The following ZBTB20 variants were observed in gnomAD, a reference collection of about 807,000 sequenced individuals.
ZBTB20 encodes zinc finger and BTB domain containing 20, also known as zinc finger and BTB domain-containing protein 20.
A neutral mutation model predicts 56.9 loss-of-function variants in ZBTB20; 9 were observed. The ratio of observed to expected loss-of-function variants is 0.16; its 90% CI spans 0.10 to 0.28. The LOEUF is 0.28. Among genes scored for constraint, ZBTB20 ranks in the 10% least tolerant of loss-of-function variants. The pLI, the probability that ZBTB20 is intolerant of heterozygous loss-of-function variation, is 1.00. For missense variants in ZBTB20, 655 were observed against 1,003.0 expected (o/e 0.65, Z 4.69); for synonymous variants, 417 against 420.7 (o/e 0.99, Z 0.11).
intron 3 of ZBTB20, among the ~76,000 whole-genome samples, chr3:114,903,024 T>G (rs1350668754): frequency 6.6e-6 from 1 of 151,996 alleles, no homozygotes; most frequent in Non-Finnish European, 1.5e-5. Context: ...GTCAATGGGG[T>G]CAATCTGTGT....
intron 1 of ZBTB20, among the ~76,000 whole-genome samples, chr3:115,146,869 G>C (rs2084999240): frequency 6.6e-6 from 1 of 151,608 alleles, no homozygotes; most frequent in African/African-American, 2.4e-5. Flanking sequence ...CACGTTTCCA[G>C]CTGCGGGACG....
intron 6 of ZBTB20, among the ~76,000 whole-genome samples, chr3:114,631,409 T>TTTTG (rs1205775956): frequency 1.4e-5 from 2 of 139,186 alleles, no homozygotes; most frequent in Non-Finnish European, 3.1e-5. Context: ...TTTTTTTTTT[T>TTTTG]TGAGATGGCG....
intron 4 of ZBTB20, among the ~76,000 whole-genome samples, chr3:114,836,669 C>G (rs1438394933): frequency 2.0e-5 from 3 of 152,154 alleles, no homozygotes; most frequent in Admixed American, 6.5e-5. Context: ...CAATAAGCCG[C>G]ATTAACCCAA....
At chr3:115,010,341 G>C (rs933251471) in intron 2 of ZBTB20, among the ~76,000 whole-genome samples, 1 of 151,946 alleles carries the variant, frequency 6.6e-6, no homozygotes, top group South Asian at 2.1e-4. Flanking sequence ...CTGGCTTCAG[G>C]TCTGACCCAA....
chr3:115,111,185 A>G (rs1473335967), intron 1 of ZBTB20, among the ~76,000 whole-genome samples: 1 of 152,120 alleles, frequency 6.6e-6, no homozygotes, highest in Non-Finnish European at 1.5e-5. Flanking sequence ...TGGATCTTCC[A>G]TAACACAAAT....
At chr3:114,843,620 C>T (rs1188137734) in intron 4 of ZBTB20, among the ~76,000 whole-genome samples, 1 of 152,168 alleles carries the variant, frequency 6.6e-6, no homozygotes, top group Non-Finnish European at 1.5e-5. Context: ...CCTCCCACCT[C>T]AGCCTCCTAA....
intron 7 of ZBTB20, among the ~76,000 whole-genome samples, chr3:114,460,057 A>T (rs527521639): frequency 6.6e-6 from 1 of 152,174 alleles, no homozygotes; most frequent in East Asian, 1.9e-4. Context: ...GCTTAAGGTA[A>T]AAAAACTTGG....
intron 6 of ZBTB20, among the ~76,000 whole-genome samples, chr3:114,593,940 TC>T (rs2056062298): frequency 6.6e-6 from 1 of 152,190 alleles, no homozygotes; most frequent in South Asian, 2.1e-4. Flanking sequence ...GACAGCTACT[TC>T]TTTTTTAGTA....
rs199923551 is a variant in ZBTB20, at chr3:114,604,375, AT to A, written c.-295+89152del. Among the ~76,000 whole-genome samples the A allele has an allele frequency of 2.9e-3, 440 of 152,212 alleles. 16 individuals are homozygous for A. The East Asian group carries it at 0.078, about 27-fold the overall frequency. Reference sequence around the variant, plus strand: ...ACCACTGGAAAGTTACACAAAAAAAATAATGAATAAAAGTGGTTACTAATGG... The same window carrying A: ...ACCACTGGAAAGTTACACAAAAAAAAAATGAATAAAAGTGGTTACTAATGG... On this transcript the variant is annotated intron_variant, in intron 6 of 11. Coordinates refer to ENST00000675478, the MANE Select transcript of ZBTB20 (RefSeq NM_001348800.3).
intron 10 of ZBTB20, among the ~76,000 whole-genome samples, chr3:114,354,174 CAAG>C (rs1669648437): frequency 6.6e-6 from 1 of 152,156 alleles, no homozygotes; most frequent in South Asian, 2.1e-4. Flanking sequence ...TGTCACAGTG[CAAG>C]AAGTAAGACA....
chr3:114,705,442 C>T (rs1246225929), intron 5 of ZBTB20, among the ~76,000 whole-genome samples: 1 of 152,102 alleles, frequency 6.6e-6, no homozygotes, highest in Non-Finnish European at 1.5e-5. Flanking sequence ...AGTCTATGAA[C>T]ATTTTATGTC....
chr3:114,818,791 A>T (rs1011920797), intron 4 of ZBTB20, among the ~76,000 whole-genome samples: 9 of 151,986 alleles, frequency 5.9e-5, no homozygotes, highest in African/African-American at 2.2e-4. Context: ...TATGCCCTCT[A>T]CCACAACGAT....
intron 3 of ZBTB20, among the ~76,000 whole-genome samples, chr3:114,904,670 T>C (rs2075255721): frequency 6.6e-6 from 1 of 151,978 alleles, no homozygotes; most frequent in African/African-American, 2.4e-5. Flanking sequence ...GAGTAAGAAC[T>C]ATAAATTGTC....
intron 6 of ZBTB20, among the ~76,000 whole-genome samples, chr3:114,556,738 G>A (rs1016713591): frequency 2.6e-5 from 4 of 151,924 alleles, no homozygotes; most frequent in African/African-American, 9.7e-5. Flanking sequence ...CTGATTATTA[G>A]TATCTCCAAA....
At chr3:114,342,724 G>A (rs1014237479) in intron 11 of ZBTB20, among the ~76,000 whole-genome samples, 1 of 152,090 alleles carries the variant, frequency 6.6e-6, no homozygotes. Context: ...AGGAACCAAG[G>A]ATAAATGAAA....
chr3:114,537,276 T>C, intron 6 of ZBTB20, among the ~76,000 whole-genome samples: 1 of 152,018 alleles, frequency 6.6e-6, no homozygotes, highest in East Asian at 1.9e-4. Flanking sequence ...AACAAGGAAT[T>C]TAAACAAATT....
intron 6 of ZBTB20, among the ~76,000 whole-genome samples, chr3:114,634,866 T>G (rs998539396): frequency 1.3e-5 from 2 of 152,154 alleles, no homozygotes; most frequent in African/African-American, 4.8e-5. Context: ...GTTCCTATAT[T>G]GCCTCATACT....
At chr3:114,737,738 G>A (rs932422539) in intron 5 of ZBTB20, among the ~76,000 whole-genome samples, 6 of 152,108 alleles carry the variant, frequency 3.9e-5, no homozygotes, top group Non-Finnish European at 7.4e-5. Context: ...TCCTTAGGAA[G>A]GCTGTTTTAG....
At chr3:114,542,352 A>G (rs762700902) in intron 6 of ZBTB20, among the ~76,000 whole-genome samples, 1 of 152,220 alleles carries the variant, frequency 6.6e-6, no homozygotes, top group Non-Finnish European at 1.5e-5. Flanking sequence ...TAAATATAAG[A>G]GCTTAGAGCT....
Sources: allele counts gnomAD v4.1 joint callset (sites outside exome capture counted in the v4.1 genomes callset), GRCh38; gene constraint gnomAD v4.1.1; transcripts MANE v1.5; gene names NCBI Gene and HGNC (gene_info 2026-07-23, HGNC 2026-07-21).